The following CMSS1 variants were observed in gnomAD, a reference collection of about 807,000 sequenced individuals.
CMSS1 encodes the protein protein CMSS1.
CMSS1 carries 33 observed loss-of-function variants against 43.5 expected under a neutral mutation model. That is an observed-to-expected ratio of 0.76 (90% CI 0.57 to 1.01). The LOEUF is 1.01. Ranked by LOEUF, CMSS1 falls within the 50% of genes least tolerant of loss-of-function variation. The pLI is 0.00. For missense variants in CMSS1, 313 were observed against 326.4 expected (o/e 0.96, Z 0.32); for synonymous variants, 115 against 117.2 (o/e 0.98, Z 0.12).
intron 1 of CMSS1, among the ~76,000 whole-genome samples, chr3:99,981,059 C>T (rs1318859929): frequency 6.6e-6 from 1 of 152,082 alleles, no homozygotes; most frequent in East Asian, 1.9e-4. Context: ...AGGGAAGAGG[C>T]AAAGGTTTTA....
intron 1 of CMSS1, among the ~76,000 whole-genome samples, chr3:100,081,488 A>C (rs531527527): frequency 3.3e-5 from 5 of 152,250 alleles, no homozygotes; most frequent in Non-Finnish European, 5.9e-5. Flanking sequence ...CTTATCTTCC[A>C]TGTATACTTA....
intron 1 of CMSS1, among the ~76,000 whole-genome samples, chr3:99,879,445 A>T (rs1399676252): frequency 6.6e-6 from 1 of 152,252 alleles, no homozygotes; most frequent in African/African-American, 2.4e-5. Flanking sequence ...CTTTTAAAAA[A>T]TACCATTAAT....
Position 100,090,273 on chromosome 3 carries a change from G to A in CMSS1, c.65-56700G>A, listed in dbSNP as rs193176968. On this transcript the variant is annotated intron_variant, in intron 1 of 9. Coordinates refer to ENST00000421999, the MANE Select transcript of CMSS1 (RefSeq NM_032359.4). ...TTCAAGATTCAAATTTAACTGTCCC[G>A]ATCTTCTGAGTCTTTAAGATAGTCA... Among the ~76,000 whole-genome samples, 489 of 152,214 alleles carry A rather than the reference G, an allele frequency of 3.2e-3. 6 individuals are homozygous for A. Among genetic ancestry groups the A allele is most frequent in the Non-Finnish European group, 2.9e-3 (194 of 68,008 alleles).
intron 1 of CMSS1, among the ~76,000 whole-genome samples, chr3:100,032,836 T>TTAA (rs905311726): frequency 6.6e-6 from 1 of 152,122 alleles, no homozygotes; most frequent in Non-Finnish European, 1.5e-5. Context: ...GATAACATAA[T>TTAA]TAACTATTTT....
intron 1 of CMSS1, among the ~76,000 whole-genome samples, chr3:99,951,357 T>C (rs1266841202): frequency 6.6e-6 from 1 of 152,146 alleles, no homozygotes; most frequent in African/African-American, 2.4e-5. Flanking sequence ...ACTGAACCCT[T>C]AGTCCTGTGG....
intron 1 of CMSS1, among the ~76,000 whole-genome samples, chr3:100,050,289 C>T (rs1386369595): frequency 6.6e-6 from 1 of 152,064 alleles, no homozygotes; most frequent in Admixed American, 6.5e-5. Context: ...TAAATGTGCC[C>T]TCTAATGAGT....
chr3:99,971,660 T>G (rs555103524), intron 1 of CMSS1, among the ~76,000 whole-genome samples: 6 of 152,328 alleles, frequency 3.9e-5, no homozygotes, highest in Admixed American at 1.3e-4. Context: ...GAGTGAACTG[T>G]GGCTTTAGAC....
chr3:100,117,936 A>G (rs1226992265), intron 1 of CMSS1, among the ~76,000 whole-genome samples: 5 of 148,436 alleles, frequency 3.4e-5, no homozygotes, highest in African/African-American at 5.0e-5. Flanking sequence ...GATACATACT[A>G]CAATATGGAT....
intron 1 of CMSS1, among the ~76,000 whole-genome samples, chr3:99,968,198 C>T (rs1207239156): frequency 6.6e-6 from 1 of 152,116 alleles, no homozygotes; most frequent in Non-Finnish European, 1.5e-5. Context: ...TTGAAAAGAA[C>T]ATGGGAAGGG....
At chr3:100,014,905 T>C (rs1219329412) in intron 1 of CMSS1, among the ~76,000 whole-genome samples, 1 of 143,218 alleles carries the variant, frequency 7.0e-6, no homozygotes, top group East Asian at 2.0e-4. Flanking sequence ...CTTTTTTTTT[T>C]TTTTTTTTTT....
intron 2 of CMSS1, chr3:100,159,904 G>C (rs902971032): frequency 2.2e-6 from 1 of 456,372 alleles, no homozygotes; most frequent in African/African-American, 2.0e-5. Flanking sequence ...TGATGCAGCT[G>C]GTTTATAAAA....
At chr3:99,987,261 G>T (rs1429331473) in intron 1 of CMSS1, among the ~76,000 whole-genome samples, 3 of 151,148 alleles carry the variant, frequency 2.0e-5, no homozygotes, top group Admixed American at 6.6e-5. Flanking sequence ...AGGCACAGTG[G>T]CTCACTCCTG....
intron 1 of CMSS1, among the ~76,000 whole-genome samples, chr3:100,101,585 C>G (rs2066306252): frequency 6.6e-6 from 1 of 152,034 alleles, no homozygotes; most frequent in African/African-American, 2.4e-5. Context: ...CTGATCCAGT[C>G]CAACACAGGA....
chr3:100,118,191 A>G (rs555396667), intron 1 of CMSS1, among the ~76,000 whole-genome samples: 2 of 151,820 alleles, frequency 1.3e-5, no homozygotes, highest in East Asian at 3.9e-4. Context: ...GTGTAGTTGT[A>G]CTTTATTTCA....
intron 1 of CMSS1, chr3:99,929,945 T>C (rs1481034180): frequency 2.5e-6 from 4 of 1,614,138 alleles, no homozygotes; most frequent in Non-Finnish European, 3.4e-6. Context: ...AACACCTTTT[T>C]TGGAGTGACA....
At chr3:100,116,768 G>A (rs1019109869) in intron 1 of CMSS1, among the ~76,000 whole-genome samples, 1 of 152,170 alleles carries the variant, frequency 6.6e-6, no homozygotes, top group African/African-American at 2.4e-5. Flanking sequence ...CCAACAGTGA[G>A]GATAAGGTGG....
intron 1 of CMSS1, among the ~76,000 whole-genome samples, chr3:99,971,144 T>C (rs1708805425): frequency 1.3e-5 from 2 of 152,172 alleles, no homozygotes; most frequent in South Asian, 2.1e-4. Context: ...GAGACCATCC[T>C]GGCTAACATG....
At chr3:99,957,331 A>C (rs944268523) in intron 1 of CMSS1, among the ~76,000 whole-genome samples, 4 of 152,114 alleles carry the variant, frequency 2.6e-5, no homozygotes, top group South Asian at 2.1e-4. Context: ...CATTAACAGA[A>C]AGTATTTAGT....
intron 1 of CMSS1, among the ~76,000 whole-genome samples, chr3:99,932,430 GAA>G (rs1359454137): frequency 6.6e-6 from 1 of 151,696 alleles, no homozygotes; most frequent in Non-Finnish European, 1.5e-5. Context: ...ATTGCTGTAA[GAA>G]TATTTCATTA....
Sources: gnomAD v4.1 joint callset for allele counts (sites outside exome capture counted in the v4.1 genomes callset) on GRCh38, gnomAD v4.1.1 for gene constraint, MANE v1.5 for transcripts, NCBI Gene and HGNC (gene_info 2026-07-23, HGNC 2026-07-21) for gene names.